The following GRAMD1B variants were observed in gnomAD, a reference collection of about 807,000 sequenced individuals.
GRAMD1B encodes GRAM domain containing 1B, also known as protein Aster-B.
In GRAMD1B, 37 loss-of-function variants were observed where a neutral mutation model predicts 99.7. The observed-to-expected ratio is 0.37, with a 90% CI of 0.29 to 0.49. GRAMD1B has a LOEUF of 0.49. Among genes scored for constraint, GRAMD1B ranks in the 20% least tolerant of loss-of-function variants. GRAMD1B has a pLI of 0.98. For missense variants in GRAMD1B, 888 were observed against 1,009.2 expected, an observed-to-expected ratio of 0.88 and a Z score of 1.63; for synonymous variants, 427 against 387.6, an observed-to-expected ratio of 1.10 and a Z score of -1.19.
At chr11:123,417,251 T>G (rs544198168) in intron 1 of GRAMD1B, among the ~76,000 whole-genome samples, 1 of 152,296 alleles carries the variant, frequency 6.6e-6, no homozygotes, top group Non-Finnish European at 1.5e-5. Context: ...TGTGTGCCTG[T>G]AATCCCAGCT....
At chr11:123,554,525 CAAA>C (rs750680684) in intron 2 of GRAMD1B, among the ~76,000 whole-genome samples, 7 of 86,534 alleles carry the variant, frequency 8.1e-5, no homozygotes, top group Admixed American at 3.6e-4. Context: ...CCCATCTTTA[CAAA>C]AAAAAAAAAA....
chr11:123,599,369 A>G, intron 7 of GRAMD1B: 1 of 689,176 alleles, frequency 1.5e-6, no homozygotes, highest in Non-Finnish European at 2.8e-6. Flanking sequence ...TGGACTTTTT[A>G]GTGAGCATCT....
At position 123,624,962 on chromosome 11, in the gene GRAMD1B, G is replaced by A. The variant is rs1955414410; in HGVS notation, c.*2367G>A. The A allele has an allele frequency of 6.6e-6, 1 of 152,092 alleles. No homozygotes were observed. Among genetic ancestry groups the A allele is most frequent in the African/African-American group, 2.4e-5 (1 of 41,422 alleles). The allele number at this position is 152,092 out of a possible 1,614,324, so 9.4% of individuals were successfully genotyped here. On this transcript the variant is annotated 3_prime_UTR_variant, in exon 20 of 20. Transcript: ENST00000635736. ...TCAGAAGAGCCCTCCTGGTTTTTTA[G>A]CGATTTGAACCCACTAGACAATGTG...
At chr11:123,464,952 A>G (rs909393978) in intron 1 of GRAMD1B, among the ~76,000 whole-genome samples, 1 of 151,948 alleles carries the variant, frequency 6.6e-6, no homozygotes, top group African/African-American at 2.4e-5. Context: ...AGGGTGTGGG[A>G]GGCGGGAAGG....
intron 19 of GRAMD1B, among the ~76,000 whole-genome samples, chr11:123,621,309 G>A (rs1466474034): frequency 6.6e-6 from 1 of 152,148 alleles, no homozygotes; most frequent in Non-Finnish European, 1.5e-5. Flanking sequence ...ATATATGATG[G>A]TATGATGGGC....
chr11:123,618,323 T>C, intron 17 of GRAMD1B: 1 of 1,611,036 alleles, frequency 6.2e-7, no homozygotes, highest in South Asian at 1.1e-5. Context: ...TCCTCCCCAT[T>C]TTTCTTCCTT....
chr11:123,436,603 A>G (rs564332177), intron 1 of GRAMD1B, among the ~76,000 whole-genome samples: 5 of 152,044 alleles, frequency 3.3e-5, no homozygotes, highest in Non-Finnish European at 7.4e-5. Context: ...TGGGAGAGAC[A>G]CTCTCAAAGT....
chr11:123,449,713 G>GTTTTTTTTTTTTTTTTTTTTTTTT (rs1245614513), intron 1 of GRAMD1B, among the ~76,000 whole-genome samples: 1 of 79,558 alleles, frequency 1.3e-5, no homozygotes, highest in Non-Finnish European at 2.5e-5. Context: ...ACCATGCCTG[G>GTTTTTTTTTTTTTTTTTTTTTTTT]CTTTTTTTTT....
chr11:123,463,635 G>A (rs946975391), intron 1 of GRAMD1B, among the ~76,000 whole-genome samples: 4 of 152,182 alleles, frequency 2.6e-5, no homozygotes, highest in African/African-American at 9.7e-5. Flanking sequence ...TGGCTCAAAG[G>A]AGACAGAGCT....
At chr11:123,529,604 A>G (rs1943143968) in intron 2 of GRAMD1B, among the ~76,000 whole-genome samples, 1 of 152,170 alleles carries the variant, frequency 6.6e-6, no homozygotes, top group Non-Finnish European at 1.5e-5. Context: ...TGACAAACAG[A>G]TGGGACTGCG....
intron 2 of GRAMD1B, among the ~76,000 whole-genome samples, chr11:123,570,793 T>C (rs1246168940): frequency 6.6e-6 from 1 of 152,208 alleles, no homozygotes; most frequent in Admixed American, 6.5e-5. Flanking sequence ...TGCTAAATAT[T>C]TTACTTAGGT....
At chr11:123,543,944 T>C (rs1944797052) in intron 2 of GRAMD1B, among the ~76,000 whole-genome samples, 1 of 152,236 alleles carries the variant, frequency 6.6e-6, no homozygotes, top group South Asian at 2.1e-4. Flanking sequence ...GTATTTACTG[T>C]CCGGCCCTTT....
chr11:123,438,026 C>T (rs998779188), intron 1 of GRAMD1B, among the ~76,000 whole-genome samples: 2 of 152,142 alleles, frequency 1.3e-5, no homozygotes, highest in Admixed American at 6.6e-5. Flanking sequence ...CAAAGGAGAC[C>T]TATGATTGGT....
rs542646098 is a variant in GRAMD1B at position 123,602,125 on chromosome 11, A to G, written c.1051-1301A>G. Among the ~76,000 whole-genome samples, 4 of 152,286 alleles carry G rather than the reference A, an allele frequency of 2.6e-5. No homozygotes were observed. The East Asian group carries it at 7.7e-4, about 29-fold the overall frequency. ...GGAGGTGATACCTCCCTCAGGCACT[A>G]TGAGGTCCAGCATAGAGAGCTGCGG... is the stretch of plus-strand genomic sequence containing the variant. On this transcript the variant is annotated intron_variant, in intron 8 of 19. Transcript: ENST00000635736.
chr11:123,404,894 G>T (rs563305442), intron 1 of GRAMD1B, among the ~76,000 whole-genome samples: 1 of 152,290 alleles, frequency 6.6e-6, no homozygotes, highest in South Asian at 2.1e-4. Context: ...GGGGGTCGTG[G>T]GAATGTGCCC....
At chr11:123,546,477 A>G (rs1945051479) in intron 2 of GRAMD1B, among the ~76,000 whole-genome samples, 1 of 152,112 alleles carries the variant, frequency 6.6e-6, no homozygotes, top group Non-Finnish European at 1.5e-5. Flanking sequence ...TTCACTACTT[A>G]GGAGACTTAT....
At chr11:123,430,145 TAC>T (rs1948798291), upstream of GRAMD1B, among the ~76,000 whole-genome samples, 1 of 152,158 alleles carries the variant, frequency 6.6e-6, no homozygotes, top group South Asian at 2.1e-4. Flanking sequence ...GGAATCCGTG[TAC>T]AGTTACACTA....
intron 1 of GRAMD1B, among the ~76,000 whole-genome samples, chr11:123,365,733 A>G (rs1285806782): frequency 6.6e-6 from 1 of 152,198 alleles, no homozygotes; most frequent in African/African-American, 2.4e-5. Flanking sequence ...GAAATAGCCT[A>G]TATCAATTTT....
intron 1 of GRAMD1B, among the ~76,000 whole-genome samples, chr11:123,405,349 A>T (rs12272921): frequency 6.6e-6 from 1 of 152,118 alleles, no homozygotes; most frequent in Admixed American, 6.5e-5. Context: ...TCTGCTCTTC[A>T]TCTGGCTGCC....
Sources: gnomAD v4.1 joint callset for allele counts (sites outside exome capture counted in the v4.1 genomes callset) on GRCh38, gnomAD v4.1.1 for gene constraint, MANE v1.5 for transcripts, NCBI Gene and HGNC (gene_info 2026-07-23, HGNC 2026-07-21) for gene names.